The following TUBGCP3 variants were observed in gnomAD, a reference collection of about 807,000 sequenced individuals.
TUBGCP3 encodes tubulin gamma complex component 3, also known as gamma-tubulin complex component 3.
TUBGCP3 carries 50 observed loss-of-function variants against 123.1 expected under a neutral mutation model. That is an observed-to-expected ratio of 0.41 (90% confidence interval 0.32 to 0.51). TUBGCP3 has a LOEUF of 0.51. Ranked by LOEUF, TUBGCP3 falls within the 20% of genes least tolerant of loss-of-function variation. TUBGCP3 has a pLI of 0.36. For missense variants in TUBGCP3, 882 were observed against 1,127.0 expected, an observed-to-expected ratio of 0.78 and a Z score of 3.11; for synonymous variants, 405 against 413.9, an observed-to-expected ratio of 0.98 and a Z score of 0.26.
chr13:112,557,586 A>G (rs1053494076), intron 5 of TUBGCP3, among the ~76,000 whole-genome samples: 2 of 152,246 alleles, frequency 1.3e-5, no homozygotes, highest in African/African-American at 4.8e-5. Flanking sequence ...GTAATTAAAA[A>G]CAAAGAAAAA....
chr13:112,518,943 A>G (rs1418811701), intron 16 of TUBGCP3, 32 bp downstream of exon 16: 4 of 1,580,372 alleles, frequency 2.5e-6, no homozygotes, highest in South Asian at 2.2e-5. Flanking sequence ...TAATAGTTGT[A>G]AATACTATAA....
At chr13:112,505,858 T>A (rs1304402221) in intron 17 of TUBGCP3, among the ~76,000 whole-genome samples, 1 of 152,122 alleles carries the variant, frequency 6.6e-6, no homozygotes, top group Non-Finnish European at 1.5e-5. Flanking sequence ...GGACGCGCCG[T>A]GCACTTGGGA....
At chr13:112,600,201 C>T in the TUBGCP3 span, among the ~76,000 whole-genome samples, 1 of 152,172 alleles carries the variant, frequency 6.6e-6, no homozygotes, top group Non-Finnish European at 1.5e-5. Flanking sequence ...TGTTTCTTCT[C>T]TCCATGATGT....
chr13:112,565,914 G>A (rs558830311), intron 2 of TUBGCP3, among the ~76,000 whole-genome samples: 3 of 145,906 alleles, frequency 2.1e-5, no homozygotes, highest in Non-Finnish European at 4.5e-5. Flanking sequence ...CAGCCTGGCC[G>A]ACAGAGCGAG....
chr13:112,544,905 CA>C (rs1878858565), intron 11 of TUBGCP3: 1 of 152,236 alleles, frequency 6.6e-6, no homozygotes, highest in African/African-American at 2.4e-5. Flanking sequence ...TGCTTATTTG[CA>C]ATTTCATCCA....
Position 112,508,610 on chromosome 13 carries a change from C to A in TUBGCP3, c.2087-3896G>T, listed in dbSNP as rs772820217. 5.9e-5 allele frequency among the ~76,000 whole-genome samples: 9 copies of A among 152,160 alleles called. No homozygotes were observed. Among genetic ancestry groups the A allele is most frequent in the Non-Finnish European group, 1.2e-4 (8 of 68,026 alleles). Reference sequence around the variant, plus strand: ...CATCCAGGCTGATGACATCTAAAATCTTTACCTCTAGTCTAGATCTATCTT... The same window carrying A: ...CATCCAGGCTGATGACATCTAAAATATTTACCTCTAGTCTAGATCTATCTT... On this transcript the variant is annotated intron_variant, in intron 17 of 21. Transcript: ENST00000261965. This position sits in a 1 kb window ranked among gnomAD's most constrained non-coding sequence, Gnocchi z 4.2.
rs536021994 is a variant in TUBGCP3, at chr13:112,558,538, T to C, written c.331-125A>G. ...GTAACTGGATTTGGGTTCCATACTT[T>C]ATTAAACAATAAATTAGATGTTATG... On this transcript the variant is annotated intron_variant, in intron 4 of 21. Transcript: ENST00000261965. 5 of 794,304 alleles carry C rather than the reference T, an allele frequency of 6.3e-6. No homozygotes were observed. In the Admixed American group the frequency reaches 1.3e-4, roughly 20 times the overall value. 49.2% of individuals were successfully genotyped at this position (794,304 alleles called of 1,614,324 possible).
At chr13:112,586,010 C>G (rs1056194377) in intron 1 of TUBGCP3, among the ~76,000 whole-genome samples, 1 of 151,828 alleles carries the variant, frequency 6.6e-6, no homozygotes, top group Non-Finnish European at 1.5e-5. Flanking sequence ...GAGGCCGAGG[C>G]GGGTGCATCA....
intron 8 of TUBGCP3, among the ~76,000 whole-genome samples, chr13:112,550,874 A>G (rs192644814): frequency 0.013 from 1,977 of 152,340 alleles, 22 homozygotes; most frequent in Non-Finnish European, 0.021. Flanking sequence ...CAAGGCGGGC[A>G]GATCATGAGG....
rs1882768231 is a variant in TUBGCP3 at position 112,588,118 on chromosome 13, C to G, written c.-138G>C. ...GCTAAGGCGCGGGCGCCGCCGGCCA[C>G]CAGGGCGCCATTTTAACGGAACCCG... On this transcript the variant is annotated 5_prime_UTR_variant, in exon 1 of 22. Transcript: ENST00000261965. The G allele has an allele frequency of 1.5e-6, 1 of 663,702 alleles. No homozygotes were observed. The allele number at this position is 663,702 out of a possible 1,614,324, so 41.1% of individuals were successfully genotyped here.
chr13:112,546,082 G>A lies in TUBGCP3; in HGVS notation c.1169-217C>T, dbSNP rs1290431451. ...CAACCCTGGCTTTACACAAGTGTGTGAGTCACTCTTCTCTTTAGGACTGCT... is the reference window on the plus strand; with the variant it reads ...CAACCCTGGCTTTACACAAGTGTGTAAGTCACTCTTCTCTTTAGGACTGCT... On this transcript the variant is annotated intron_variant, in intron 10 of 21. Coordinates refer to ENST00000261965, the MANE Select transcript of TUBGCP3 (RefSeq NM_006322.6). 7.9e-6 allele frequency: 4 copies of A among 505,572 alleles called. No individual in the cohort carries two copies. The South Asian group carries it at 1.3e-4, about 17-fold the overall frequency. 31.3% of individuals were successfully genotyped at this position (505,572 alleles called of 1,614,324 possible). A position where few individuals can be genotyped will look rare whatever the true frequency, so the allele number is the denominator to read the frequency against.
At chr13:112,529,849 A>G (rs1877435381) in intron 11 of TUBGCP3, among the ~76,000 whole-genome samples, 1 of 152,210 alleles carries the variant, frequency 6.6e-6, no homozygotes, top group Non-Finnish European at 1.5e-5. Flanking sequence ...TATCACACCC[A>G]AAGTGCCTTT....
intron 19 of TUBGCP3, among the ~76,000 whole-genome samples, chr13:112,503,369 G>A (rs566579205): frequency 6.6e-6 from 1 of 152,194 alleles, no homozygotes; most frequent in African/African-American, 2.4e-5. Context: ...TGTTGTTGTT[G>A]TTGTTGTTTT....
intron 11 of TUBGCP3, among the ~76,000 whole-genome samples, chr13:112,528,672 T>G (rs1877324865): frequency 6.6e-6 from 1 of 152,198 alleles, no homozygotes; most frequent in African/African-American, 2.4e-5. Flanking sequence ...TGCCATTGTT[T>G]ATAGTATGGT....
At chr13:112,602,763 G>A in the TUBGCP3 span, 1 of 152,108 alleles carries the variant, frequency 6.6e-6, no homozygotes. Context: ...AGATACAGCT[G>A]GAATTTACAG....
rs778076892 is a variant in TUBGCP3, at chr13:112,489,639, A to G, written c.2507T>C (p.Phe836Ser). 2.7e-5 allele frequency: 44 copies of G among 1,614,038 alleles called. No individual in the cohort carries two copies. The highest frequency in any genetic ancestry group is 3.7e-5 in the Non-Finnish European group (44 of 1,180,032). ...EEEENKRIGE[F>S]KESIPKMCSQ... Reference sequence around the variant, plus strand: ...GCACATTTTTGGTATAGATTCTTTAAATTCTCCAATCCTCTTATTTTCCTC... The same window carrying G: ...GCACATTTTTGGTATAGATTCTTTAGATTCTCCAATCCTCTTATTTTCCTC... The change falls in exon 21 of 22, where the codon TTT becomes TCT. Residue 836 changes from phenylalanine to serine, a missense_variant. Coordinates refer to ENST00000261965, the MANE Select transcript of TUBGCP3 (RefSeq NM_006322.6).
chr13:112,546,488 T>TA (rs1879001839), intron 10 of TUBGCP3: 1 of 152,354 alleles, frequency 6.6e-6, no homozygotes, highest in South Asian at 2.1e-4. Flanking sequence ...TATGTTATGC[T>TA]AAAAATTCAA....
At chr13:112,518,807 T>G (rs1277423091) in intron 16 of TUBGCP3, among the ~76,000 whole-genome samples, 168 bp downstream of exon 16, 1 of 152,224 alleles carries the variant, frequency 6.6e-6, no homozygotes, top group Non-Finnish European at 1.5e-5. Flanking sequence ...TAATAATCAT[T>G]TAAAACACAC....
chr13:112,504,057 C>A lies in TUBGCP3; in HGVS notation c.2282G>T (p.Arg761Leu). The A allele has an allele frequency of 6.2e-7, 1 of 1,613,698 alleles. No individual in the cohort carries two copies. The highest frequency in any genetic ancestry group is 8.5e-7 in the Non-Finnish European group (1 of 1,179,770). ...CCTGGAGTCACTGTCCAGCAGGCAGCGGGAGATGATGGTGTCTAAGAACAC... is the reference window on the plus strand; with the variant it reads ...CCTGGAGTCACTGTCCAGCAGGCAGAGGGAGATGATGGTGTCTAAGAACAC... ...HEVFLDTIIS[R>L]CLLDSDSRAL... Residue 761 changes from arginine (R) to leucine (L), a missense_variant, in exon 19 of 22, where the codon CGC becomes CTC. This residue lies in a region of TUBGCP3 where 160 missense variants were observed against 220.3 expected (regional missense o/e 0.73). Coordinates refer to ENST00000261965, the MANE Select transcript of TUBGCP3 (RefSeq NM_006322.6).
Sources: gnomAD v4.1 joint callset for allele counts (sites outside exome capture counted in the v4.1 genomes callset) on GRCh38, gnomAD v4.1.1 for gene constraint, gnomAD v4.1.1 regional missense constraint, Gnocchi (gnomAD v3.1) non-coding constraint, MANE v1.5 for transcripts, NCBI Gene and HGNC (gene_info 2026-07-23, HGNC 2026-07-21) for gene names.